ELMO1: variants seen among roughly 807,000 people sequenced by gnomAD.
ELMO1 encodes the protein engulfment and cell motility protein 1.
ELMO1 carries 26 observed loss-of-function variants against 98.9 expected under a neutral mutation model. That is an observed-to-expected ratio of 0.26 (90% CI 0.19 to 0.36). The LOEUF is 0.36. Ranked by LOEUF, ELMO1 falls within the 10% of genes least tolerant of loss-of-function variation. The pLI, the probability that ELMO1 is intolerant of heterozygous loss-of-function variation, is 1.00. For synonymous variants in ELMO1, 346 were observed against 346.0 expected (o/e 1.00, Z 0.00); for missense variants, 627 against 935.2 (o/e 0.67, Z 4.30).
chr7:37,242,026 A>T (rs1275078782), intron 7 of ELMO1, among the ~76,000 whole-genome samples: 3 of 151,982 alleles, frequency 2.0e-5, no homozygotes, highest in African/African-American at 7.2e-5. Context: ...TGCTTCATAT[A>T]TCTCCATCAT....
chr7:37,386,229 A>G (rs77789300), intron 1 of ELMO1, among the ~76,000 whole-genome samples: 2,115 of 152,212 alleles, frequency 0.014, 46 homozygotes, highest in African/African-American at 0.049. Context: ...TTGGAAGCCT[A>G]TCGGATGTTG....
chr7:36,908,395 G>A (rs1274252216), intron 16 of ELMO1, among the ~76,000 whole-genome samples: 1 of 151,920 alleles, frequency 6.6e-6, no homozygotes, highest in Non-Finnish European at 1.5e-5. Context: ...TTATAATTTG[G>A]GTGAAATTAC....
chr7:37,063,450 T>C (rs1207937324), intron 15 of ELMO1, among the ~76,000 whole-genome samples: 2 of 152,086 alleles, frequency 1.3e-5, no homozygotes, highest in Non-Finnish European at 2.9e-5. Context: ...CTAAACAAAG[T>C]TAAAAAAAAT....
intron 13 of ELMO1, among the ~76,000 whole-genome samples, chr7:37,151,322 C>T (rs4602779): frequency 0.73 from 110,658 of 151,998 alleles, 43,368 homozygotes; most frequent in Non-Finnish European, 0.87. Context: ...GGAGCCTGAC[C>T]GTTCACACTA....
chr7:37,024,262 C>G (rs896062194), intron 15 of ELMO1, among the ~76,000 whole-genome samples: 1 of 152,164 alleles, frequency 6.6e-6, no homozygotes, highest in Non-Finnish European at 1.5e-5. Context: ...TGAGCAAGGA[C>G]AGATTGGTAA....
intron 16 of ELMO1, among the ~76,000 whole-genome samples, chr7:36,940,390 T>C (rs190868518): frequency 6.6e-5 from 10 of 152,312 alleles, no homozygotes; most frequent in Admixed American, 1.3e-4. Context: ...TTAAGGAGAA[T>C]AGGGAACTAC....
intron 16 of ELMO1, among the ~76,000 whole-genome samples, chr7:36,939,875 T>C (rs1017728998): frequency 6.6e-6 from 1 of 152,248 alleles, no homozygotes; most frequent in Non-Finnish European, 1.5e-5. Flanking sequence ...AATTTCCTGT[T>C]TTATTCTTCA....
intron 16 of ELMO1, among the ~76,000 whole-genome samples, chr7:36,905,200 T>A (rs73689684): frequency 0.041 from 6,198 of 152,328 alleles, 304 homozygotes; most frequent in East Asian, 0.24. Context: ...CATGCTACTG[T>A]TGGTTTTTCT....
chr7:36,969,363 TA>T (rs1434631126), intron 16 of ELMO1, among the ~76,000 whole-genome samples: 1 of 152,212 alleles, frequency 6.6e-6, no homozygotes, highest in African/African-American at 2.4e-5. Flanking sequence ...GCTATATTTT[TA>T]TTCATTTCTT....
chr7:37,163,489 C>T (rs1453608274), intron 13 of ELMO1, among the ~76,000 whole-genome samples: 2 of 151,660 alleles, frequency 1.3e-5, no homozygotes, highest in African/African-American at 2.4e-5. Flanking sequence ...GCTATCCCTC[C>T]CCCATCCCCC....
rs945061377 is a variant in ELMO1, at chr7:37,196,827, CCTTGTGT to C, written c.1086+14552_1086+14558del. Among the ~76,000 whole-genome samples, 36 of 152,226 alleles carry C rather than the reference CCTTGTGT, an allele frequency of 2.4e-4. 1 individual carries two copies. Among genetic ancestry groups the C allele is most frequent in the African/African-American group, 4.3e-4 (18 of 41,526 alleles). ...TCGTCTCTAAAATAGACATAATAAT[CCTTGTGT>C]CTTGTGTCTTGTGGAGACAGAATGA... On this transcript the variant is annotated intron_variant, in intron 13 of 21. Coordinates refer to ENST00000310758, the MANE Select transcript of ELMO1 (RefSeq NM_014800.11).
intron 16 of ELMO1, among the ~76,000 whole-genome samples, chr7:36,934,307 C>T (rs974511387): frequency 6.6e-6 from 1 of 152,200 alleles, no homozygotes; most frequent in Non-Finnish European, 1.5e-5. Flanking sequence ...AAGACAGCAG[C>T]CTGGGTAGTG....
chr7:36,986,574 T>C (rs529761664), intron 16 of ELMO1: 1 of 152,310 alleles, frequency 6.6e-6, no homozygotes, highest in African/African-American at 2.4e-5. Context: ...TCTGTTGCCA[T>C]AGAAACAGAC....
intron 18 of ELMO1, among the ~76,000 whole-genome samples, chr7:36,883,130 G>C (rs1465822273): frequency 6.6e-6 from 1 of 152,162 alleles, no homozygotes; most frequent in Non-Finnish European, 1.5e-5. Context: ...AGCCTTGTTG[G>C]CAGGAGTGGT....
chr7:37,210,679 T>C (rs543793406), intron 13 of ELMO1, among the ~76,000 whole-genome samples: 54 of 152,174 alleles, frequency 3.5e-4, no homozygotes, highest in African/African-American at 1.2e-3. Flanking sequence ...GCCTGGTGAT[T>C]TCTAATCACC....
Position 37,222,843 on chromosome 7 carries a change from G to A in ELMO1, c.702-150C>T, listed in dbSNP as rs572508849. On this transcript the variant is annotated intron_variant, in intron 9 of 21. Coordinates refer to ENST00000310758, the MANE Select transcript of ELMO1 (RefSeq NM_014800.11). ...GGGCCTAGAAAATGCATTTTGCACT[G>A]AGAATGCATTTCAAACATCACAAGG... 2.2e-4 allele frequency: 142 copies of A among 651,490 alleles called. No individual in the cohort carries two copies. In the African/African-American group the frequency reaches 2.2e-3, roughly 10 times the overall value. The allele number at this position is 651,490 out of a possible 1,614,324, so 40.4% of individuals were successfully genotyped here.
intron 15 of ELMO1, among the ~76,000 whole-genome samples, chr7:37,087,492 T>G (rs777794088): frequency 9.2e-5 from 14 of 152,120 alleles, no homozygotes; most frequent in Non-Finnish European, 1.6e-4. Context: ...TTAATGAATA[T>G]ATTAAATATT....
At chr7:37,123,637 A>G (rs1473025152) in intron 14 of ELMO1, among the ~76,000 whole-genome samples, 1 of 152,224 alleles carries the variant, frequency 6.6e-6, no homozygotes, top group Non-Finnish European at 1.5e-5. Flanking sequence ...AAATTGAGGC[A>G]ATAATTAATA....
Position 36,853,476 on chromosome 7 carries a change from CTGTTT to C in ELMO1, c.*2070_*2074del, listed in dbSNP as rs1400243248. ...TTTGCTGCCTTTGACCTAACACTTA[CTGTTT>C]TATCATGATGATGGGTAGATTAATA... On this transcript the variant is annotated 3_prime_UTR_variant, in exon 22 of 22. Coordinates refer to ENST00000310758, the MANE Select transcript of ELMO1 (RefSeq NM_014800.11). Among the ~76,000 whole-genome samples, 1 of 152,200 alleles carries C rather than the reference CTGTTT, an allele frequency of 6.6e-6. No individual in the cohort carries two copies. The highest frequency in any genetic ancestry group is 6.5e-5 in the Admixed American group (1 of 15,284).
Sources: gnomAD v4.1 joint callset for allele counts (sites outside exome capture counted in the v4.1 genomes callset) on GRCh38, gnomAD v4.1.1 for gene constraint, MANE v1.5 for transcripts, NCBI Gene and HGNC (gene_info 2026-07-23, HGNC 2026-07-21) for gene names.